The following TXNRD1 variants were observed in gnomAD, a reference collection of about 807,000 sequenced individuals.
TXNRD1 encodes thioredoxin reductase 1, also known as thioredoxin reductase 1, cytoplasmic.
In TXNRD1, 57 loss-of-function variants were observed where a neutral mutation model predicts 80.3. The ratio of observed to expected loss-of-function variants is 0.71; its 90% CI spans 0.57 to 0.89. The LOEUF (loss-of-function observed/expected upper bound fraction) is 0.89, where lower values mean the gene tolerates loss of function less well. Among genes scored for constraint, TXNRD1 ranks in the 40% least tolerant of loss-of-function variants. The pLI is 0.00. For missense variants in TXNRD1, 730 were observed against 803.0 expected, an observed-to-expected ratio of 0.91 and a Z score of 1.10; for synonymous variants, 291 against 285.2, an observed-to-expected ratio of 1.02 and a Z score of -0.20.
intron 4 of TXNRD1, chr12:104,305,077 C>A: frequency 1.1e-6 from 1 of 875,886 alleles, no homozygotes; most frequent in Non-Finnish European, 1.6e-6. Flanking sequence ...TACTGTGCAG[C>A]ATATTTTTCT....
At chr12:104,302,285 TAAAG>T (rs1359176481) in intron 4 of TXNRD1, among the ~76,000 whole-genome samples, 3 of 152,104 alleles carry the variant, frequency 2.0e-5, no homozygotes, top group African/African-American at 7.2e-5. Context: ...CTGCTAATGC[TAAAG>T]AAATAGAACA....
intron 4 of TXNRD1, chr12:104,303,817 C>T (rs2034751193): frequency 3.6e-6 from 5 of 1,408,026 alleles, no homozygotes; most frequent in East Asian, 2.5e-5. Context: ...TACCCGTGGC[C>T]GGCATGTTGG....
intron 4 of TXNRD1, among the ~76,000 whole-genome samples, chr12:104,302,859 A>C (rs1195793775): frequency 6.6e-6 from 1 of 152,202 alleles, no homozygotes. Flanking sequence ...CTTTAACTGC[A>C]CTTGAGTTTC....
At chr12:104,290,419 C>T (rs2034140399) in intron 4 of TXNRD1, among the ~76,000 whole-genome samples, 1 of 151,816 alleles carries the variant, frequency 6.6e-6, no homozygotes, top group Non-Finnish European at 1.5e-5. Flanking sequence ...TGGCCGGGTG[C>T]GGTGGCTCAC....
At chr12:104,309,673 C>G (rs1180171672) in intron 4 of TXNRD1, 3 of 953,454 alleles carry the variant, frequency 3.1e-6, no homozygotes, top group East Asian at 3.0e-5. Context: ...TCTTTGAGAC[C>G]CAGTAGGGAG....
In TXNRD1 at chr12:104,348,601, C is replaced by T. The variant is rs141326248; in HGVS notation, c.*180C>T. ...GAGTTGGTGAATAGAAGGCAGGCAGCATCACACTGGGGTCACTGACAGACT... is the reference window on the plus strand; with the variant it reads ...GAGTTGGTGAATAGAAGGCAGGCAGTATCACACTGGGGTCACTGACAGACT... On this transcript the variant is annotated 3_prime_UTR_variant, in exon 17 of 17. Transcript: ENST00000525566. 8.1e-5 allele frequency: 48 copies of T among 595,362 alleles called. No homozygotes were observed. The highest frequency in any genetic ancestry group is 4.5e-4 in the East Asian group (16 of 35,618). The allele number at this position is 595,362 out of a possible 1,614,324, so 36.9% of individuals were successfully genotyped here. A position where few individuals can be genotyped will look rare whatever the true frequency, so the allele number is the denominator to read the frequency against.
At chr12:104,305,164 G>A (rs1489411246) in intron 4 of TXNRD1, 1 of 429,950 alleles carries the variant, frequency 2.3e-6, no homozygotes, top group African/African-American at 2.1e-5. Context: ...TTTATTGAAT[G>A]CCCTTTAAGA....
chr12:104,239,454 C>T (rs567006194), intron 1 of TXNRD1, among the ~76,000 whole-genome samples: 8 of 152,166 alleles, frequency 5.3e-5, no homozygotes, highest in Non-Finnish European at 1.2e-4. Context: ...CTCGGCCTCA[C>T]GAAGTACTGG....
chr12:104,241,179 A>G (rs2032854153), intron 1 of TXNRD1, among the ~76,000 whole-genome samples: 1 of 151,336 alleles, frequency 6.6e-6, no homozygotes, highest in Non-Finnish European at 1.5e-5. Flanking sequence ...AGCTGGGACT[A>G]CGGGCTCACG....
chr12:104,242,173 A>T (rs538047817), intron 1 of TXNRD1, among the ~76,000 whole-genome samples: 1 of 151,494 alleles, frequency 6.6e-6, no homozygotes, highest in African/African-American at 2.4e-5. Flanking sequence ...ACCTGACCTC[A>T]GGTGATCCAC....
In TXNRD1 at chr12:104,291,441, C is replaced by T. The variant is rs140377840; in HGVS notation, c.414+2401C>T. Among the ~76,000 whole-genome samples the T allele has an allele frequency of 5.6e-4, 83 of 147,746 alleles. 2 individuals are homozygous for T. Among genetic ancestry groups the T allele is most frequent in the African/African-American group, 1.9e-3 (78 of 40,136 alleles). On this transcript the variant is annotated intron_variant, in intron 4 of 16. Transcript: ENST00000525566. ...GTCTCGAACTCCTGACCTTGTAGTC[C>T]AAAGCGCTGGGATTACAAGTGTGAC...
chr12:104,325,575 T>C (rs915703365), intron 11 of TXNRD1, 146 bp downstream of exon 11: 45 of 660,124 alleles, frequency 6.8e-5, no homozygotes, highest in Non-Finnish European at 1.0e-4. Flanking sequence ...ACTTATGATA[T>C]TAAAATTTGT....
intron 1 of TXNRD1, among the ~76,000 whole-genome samples, chr12:104,224,171 T>C (rs533157191): frequency 6.6e-6 from 1 of 152,266 alleles, no homozygotes; most frequent in East Asian, 1.9e-4. Flanking sequence ...TGAATGGTTG[T>C]TCTCTTTTAC....
chr12:104,240,536 A>C (rs1022801608), intron 1 of TXNRD1, among the ~76,000 whole-genome samples: 1 of 152,186 alleles, frequency 6.6e-6, no homozygotes, highest in Non-Finnish European at 1.5e-5. Context: ...TGAAATTGTG[A>C]GAGTTATTGG....
At chr12:104,317,307 C>G (rs1245339001) in intron 7 of TXNRD1, among the ~76,000 whole-genome samples, 1 of 151,380 alleles carries the variant, frequency 6.6e-6, no homozygotes. Flanking sequence ...CTGCAGCCTT[C>G]CCTACCCACA....
chr12:104,242,216 GGCA>G (rs1326398040), intron 1 of TXNRD1, among the ~76,000 whole-genome samples: 1 of 151,582 alleles, frequency 6.6e-6, no homozygotes, highest in Non-Finnish European at 1.5e-5. Context: ...TGGGATTACA[GGCA>G]TGAGCCACTG....
chr12:104,345,731 T>C (rs1332406407), intron 16 of TXNRD1, among the ~76,000 whole-genome samples: 1 of 152,236 alleles, frequency 6.6e-6, no homozygotes, highest in Non-Finnish European at 1.5e-5. Context: ...AAATGAATTT[T>C]AGTGCCAAAT....
intron 3 of TXNRD1, among the ~76,000 whole-genome samples, chr12:104,269,914 A>C (rs904283916): frequency 7.6e-4 from 116 of 151,862 alleles, no homozygotes; most frequent in African/African-American, 2.8e-3. Flanking sequence ...GGGTCCCACT[A>C]TGTTGCCCAG....
At chr12:104,303,724 G>C (rs770404879) in intron 4 of TXNRD1, 2 of 800,154 alleles carry the variant, frequency 2.5e-6, no homozygotes, top group Non-Finnish European at 1.8e-6. Context: ...GCGCCGGGCC[G>C]GGCCGCTAGT....
Sources: gnomAD v4.1 joint callset for allele counts (sites outside exome capture counted in the v4.1 genomes callset) on GRCh38, gnomAD v4.1.1 for gene constraint, MANE v1.5 for transcripts, NCBI Gene and HGNC (gene_info 2026-07-23, HGNC 2026-07-21) for gene names.